WWOX: variants seen among roughly 807,000 people sequenced by gnomAD.
The protein encoded by WWOX is WW domain containing oxidoreductase.
In WWOX, 69 loss-of-function variants were observed where a neutral mutation model predicts 46.2. The ratio of observed to expected loss-of-function variants is 1.49; its 90% confidence interval spans 1.23 to 1.82. The LOEUF (loss-of-function observed/expected upper bound fraction) is 1.82. WWOX is among the 40% of genes most tolerant of loss of function. WWOX has a pLI of 0.00. For missense variants in WWOX, 919 were observed against 542.6 expected, an observed-to-expected ratio of 1.69 and a Z score of -6.89; for synonymous variants, 359 against 202.6, an observed-to-expected ratio of 1.77 and a Z score of -6.56.
chr16:78,318,843 G>C (rs2080408083), intron 5 of WWOX, among the ~76,000 whole-genome samples: 2 of 152,110 alleles, frequency 1.3e-5, no homozygotes, highest in African/African-American at 4.8e-5. Flanking sequence ...CTACAGTACA[G>C]GATCCAAACC....
At chr16:78,927,543 A>C (rs1039085210) in intron 8 of WWOX, among the ~76,000 whole-genome samples, 1 of 152,132 alleles carries the variant, frequency 6.6e-6, no homozygotes. Flanking sequence ...TGATAAATGG[A>C]TGTTAGTCAT....
intron 8 of WWOX, among the ~76,000 whole-genome samples, chr16:78,777,661 C>G (rs1382307148): frequency 6.6e-6 from 1 of 152,064 alleles, no homozygotes; most frequent in African/African-American, 2.4e-5. Context: ...GGCAGACTCC[C>G]CAGCACAGAG....
At chr16:78,394,715 C>A (rs192994506) in intron 6 of WWOX, among the ~76,000 whole-genome samples, 1 of 152,306 alleles carries the variant, frequency 6.6e-6, no homozygotes, top group Admixed American at 6.5e-5. Flanking sequence ...AGCCTGAAAG[C>A]AGCCATAGAT....
intron 5 of WWOX, among the ~76,000 whole-genome samples, chr16:78,383,214 G>C (rs976992506): frequency 5.9e-5 from 9 of 151,970 alleles, no homozygotes; most frequent in African/African-American, 2.2e-4. Context: ...AACCACATCA[G>C]GTGACATCCC....
At chr16:78,701,045 C>G (rs79405149) in intron 8 of WWOX, among the ~76,000 whole-genome samples, 577 of 152,210 alleles carry the variant, frequency 3.8e-3, no homozygotes, top group Middle Eastern at 6.8e-3. Context: ...GATGTGTGAT[C>G]TTGGGCACGT....
chr16:78,167,235 C>T (rs1309195528), intron 5 of WWOX: 3 of 152,156 alleles, frequency 2.0e-5, no homozygotes, highest in African/African-American at 4.8e-5. Flanking sequence ...CCTGGACCTG[C>T]CCCAATTAGC....
intron 8 of WWOX, chr16:78,892,151 C>G (rs370543034): frequency 6.6e-6 from 1 of 152,114 alleles, no homozygotes. Flanking sequence ...TAATTTTCTA[C>G]TGGCAGTGAG....
chr16:78,789,387 G>C (rs2050538227), intron 8 of WWOX, among the ~76,000 whole-genome samples: 3 of 152,112 alleles, frequency 2.0e-5, no homozygotes. Flanking sequence ...TGTCCCAGAA[G>C]CATTGATTAA....
At chr16:78,315,548 G>A (rs1295128461) in intron 5 of WWOX, among the ~76,000 whole-genome samples, 2 of 152,170 alleles carry the variant, frequency 1.3e-5, no homozygotes, top group Non-Finnish European at 2.9e-5. Context: ...TGCTCAGGAG[G>A]CTGAGGCAGG....
At chr16:79,052,169 C>G (rs1259370578) in intron 8 of WWOX, among the ~76,000 whole-genome samples, 1 of 152,032 alleles carries the variant, frequency 6.6e-6, no homozygotes, top group African/African-American at 2.4e-5. Context: ...AGGTATATCT[C>G]CCAATGCTAT....
chr16:78,510,810 G>A lies in WWOX; in HGVS notation c.1056+78058G>A, dbSNP rs531040604. On this transcript the variant is annotated intron_variant, in intron 8 of 8. Transcript: ENST00000566780. The stretch of plus-strand genomic sequence containing the variant: ...GAGTGTTTGTTAAACATTTACCACA[G>A]CAGTGGATTCACTTCCATCAGCTGC... Among the ~76,000 whole-genome samples the A allele has an allele frequency of 2.6e-5, 4 of 152,334 alleles. No individual in the cohort carries two copies. In the South Asian group the frequency reaches 8.3e-4, roughly 32 times the overall value.
At chr16:78,231,543 ACTC>A (rs2037261839) in intron 5 of WWOX, among the ~76,000 whole-genome samples, 1 of 151,766 alleles carries the variant, frequency 6.6e-6, no homozygotes, top group African/African-American at 2.4e-5. Context: ...TGTTCAATAA[ACTC>A]CTCTGCAGAA....
rs35010158 is a variant in WWOX at position 78,336,330 on chromosome 16, C to CA, written c.517-50513dup. Among the ~76,000 whole-genome samples, 645 of 131,064 alleles carry CA rather than the reference C, an allele frequency of 4.9e-3. 5 individuals carry two copies. The highest frequency in any genetic ancestry group is 8.3e-3 in the Middle Eastern group (2 of 242). 86.0% of individuals were successfully genotyped at this position (131,064 alleles called of 152,430 possible). The stretch of plus-strand genomic sequence containing the variant: ...CCTACTAAAAATACAAAAATAACAC[C>CA]AAAAAAAAAAAAAAAAACCACAACA... On this transcript the variant is annotated intron_variant, in intron 5 of 8. Transcript: ENST00000566780.
At chr16:78,385,202 T>C (rs2082037547) in intron 5 of WWOX, among the ~76,000 whole-genome samples, 4 of 149,302 alleles carry the variant, frequency 2.7e-5, no homozygotes, top group South Asian at 2.1e-4. Context: ...TTGGATTCTT[T>C]AGGATCCTTC....
intron 8 of WWOX, chr16:78,553,085 A>G (rs761033995): frequency 2.0e-5 from 3 of 152,206 alleles, no homozygotes; most frequent in Admixed American, 6.5e-5. Context: ...ATGAGAACAC[A>G]TGGACACAGG....
At chr16:78,489,013 A>G (rs1031728381) in intron 8 of WWOX, among the ~76,000 whole-genome samples, 2 of 152,228 alleles carry the variant, frequency 1.3e-5, no homozygotes, top group African/African-American at 2.4e-5. Context: ...CAGAGTGTCT[A>G]AATCCTGCTC....
intron 8 of WWOX, among the ~76,000 whole-genome samples, chr16:79,134,446 C>T (rs182118520): frequency 2.0e-5 from 3 of 152,274 alleles, no homozygotes; most frequent in East Asian, 3.9e-4. Flanking sequence ...ATACAGGGTC[C>T]TGTTGGAGGG....
chr16:79,008,897 A>G (rs1167530588), intron 8 of WWOX, among the ~76,000 whole-genome samples: 1 of 152,208 alleles, frequency 6.6e-6, no homozygotes, highest in Non-Finnish European at 1.5e-5. Context: ...AGCAGCGCAC[A>G]CACACAAAGG....
In WWOX at chr16:78,972,636, C is replaced by T. The variant is rs369995094; in HGVS notation, c.1057-238972C>T. ...ATAAAGTACATACCGCTGCACATCC[C>T]ACCCTCTGTTTCTGTTTCAACTGCA... On this transcript the variant is annotated intron_variant, in intron 8 of 8. Transcript: ENST00000566780. 8.5e-5 allele frequency among the ~76,000 whole-genome samples: 13 copies of T among 152,222 alleles called. 2 individuals are homozygous for T. Among genetic ancestry groups the T allele is most frequent in the African/African-American group, 3.1e-4 (13 of 41,536 alleles).
Sources: gnomAD v4.1 joint callset for allele counts (sites outside exome capture counted in the v4.1 genomes callset) on GRCh38, gnomAD v4.1.1 for gene constraint, MANE v1.5 for transcripts, NCBI Gene and HGNC (gene_info 2026-07-23, HGNC 2026-07-21) for gene names.